Variants in USP34 observed in about 807,000 individuals in gnomAD.
The protein encoded by USP34 is ubiquitin specific peptidase 34.
In USP34, 70 loss-of-function variants were observed where a neutral mutation model predicts 460.3. The ratio of observed to expected loss-of-function variants is 0.15; its 90% CI spans 0.13 to 0.19. The LOEUF is 0.19. USP34 is among the 10% of genes least tolerant of loss of function. The pLI, the probability that USP34 is intolerant of heterozygous loss-of-function variation, is 1.00. For missense variants in USP34, 3,985 were observed against 4,236.2 expected (o/e 0.94, Z 1.65); for synonymous variants, 1,647 against 1,405.3 (o/e 1.17, Z -3.85).
In USP34 at chr2:61,456,227, A is replaced by G. The variant is rs115687402; in HGVS notation, c.43+14423T>C. Among the ~76,000 whole-genome samples, 1,273 of 152,294 alleles carry G rather than the reference A, an allele frequency of 8.4e-3. 16 individuals carry two copies. The highest frequency in any genetic ancestry group is 0.028 in the African/African-American group (1,152 of 41,564). ...GCCCAGAAGCAATTTCACCTCTTTC[A>G]TGGTAACAACGTGCCAGATTTCTTT... On this transcript the variant is annotated intron_variant, in intron 1 of 79. Transcript: ENST00000398571.
At chr2:61,389,365 G>A (rs1421891385) in intron 5 of USP34, among the ~76,000 whole-genome samples, 3 of 151,988 alleles carry the variant, frequency 2.0e-5, no homozygotes, top group Non-Finnish European at 2.9e-5. Context: ...TTTAACAGAA[G>A]GTTAAAAATC....
chr2:61,226,851 G>C (rs1305079203), intron 62 of USP34: 1 of 497,830 alleles, frequency 2.0e-6, no homozygotes, highest in Non-Finnish European at 3.3e-6. Flanking sequence ...CATAGATGAA[G>C]TAAAAGTTTG....
intron 1 of USP34, among the ~76,000 whole-genome samples, chr2:61,450,876 G>A (rs1333453968): frequency 1.5e-5 from 2 of 133,702 alleles, no homozygotes; most frequent in Non-Finnish European, 3.1e-5. Context: ...CAATAGAAAC[G>A]GAGGAGATGC....
At chr2:61,390,028 T>G (rs1693294335) in intron 5 of USP34, among the ~76,000 whole-genome samples, 1 of 152,184 alleles carries the variant, frequency 6.6e-6, no homozygotes, top group Non-Finnish European at 1.5e-5. Flanking sequence ...TTTCTGATAT[T>G]AAACAGTCTT....
intron 10 of USP34, among the ~76,000 whole-genome samples, chr2:61,365,819 A>C (rs769383515): frequency 7.9e-5 from 12 of 152,208 alleles, no homozygotes; most frequent in Non-Finnish European, 1.2e-4. Flanking sequence ...GAATTTCATC[A>C]TCCTCTAGAG....
intron 41 of USP34, among the ~76,000 whole-genome samples, chr2:61,272,774 T>G (rs1226675052): frequency 1.3e-5 from 2 of 152,114 alleles, no homozygotes; most frequent in East Asian, 3.8e-4. Context: ...CAATAAAGAA[T>G]GCTAAGAACA....
chr2:61,464,861 C>T (rs921750344), intron 1 of USP34, among the ~76,000 whole-genome samples: 7 of 151,916 alleles, frequency 4.6e-5, no homozygotes, highest in Non-Finnish European at 8.8e-5. Flanking sequence ...AAGCCTCCAA[C>T]TCCTCACCAA....
At chr2:61,415,448 C>A (rs570037459) in intron 2 of USP34, among the ~76,000 whole-genome samples, 1 of 152,228 alleles carries the variant, frequency 6.6e-6, no homozygotes, top group Non-Finnish European at 1.5e-5. Context: ...ATTTTTAGAA[C>A]TACCCTAAGA....
At chr2:61,401,365 G>A (rs570355509) in intron 3 of USP34, among the ~76,000 whole-genome samples, 31 of 150,494 alleles carry the variant, frequency 2.1e-4, no homozygotes, top group African/African-American at 6.8e-4. Context: ...AGCCTCCCAA[G>A]TAGCTGGGAC....
rs142891446 is a variant in USP34 at position 61,258,504 on chromosome 2, T to G, written c.5845-1154A>C. Among the ~76,000 whole-genome samples, 97 of 152,128 alleles carry G rather than the reference T, an allele frequency of 6.4e-4. 1 individual carries two copies. The highest frequency in any genetic ancestry group is 2.3e-3 in the South Asian group (11 of 4,810). ...TCTTAGAGTTTGAAACCAAGCTGAC[T>G]CTTGAAAAATGAACATCAGAAGAAA... On this transcript the variant is annotated intron_variant, in intron 44 of 79. Transcript: ENST00000398571.
intron 33 of USP34, among the ~76,000 whole-genome samples, 171 bp from the exon 34 acceptor site, chr2:61,289,048 T>C (rs1361897946): frequency 1.3e-5 from 2 of 152,086 alleles, no homozygotes; most frequent in Non-Finnish European, 2.9e-5. Flanking sequence ...TTCAATCTTA[T>C]AAAAATGAAG....
chr2:61,336,173 C>A (rs1015503490), intron 18 of USP34, among the ~76,000 whole-genome samples: 3 of 146,776 alleles, frequency 2.0e-5, no homozygotes, highest in Non-Finnish European at 4.5e-5. Context: ...GAGACAAAGT[C>A]TCACTGTGTT....
At chr2:61,189,310 T>C in intron 78 of USP34, 2 of 379,106 alleles carry the variant, frequency 5.3e-6, no homozygotes, top group Non-Finnish European at 9.3e-6. Context: ...GTCTTGTTCT[T>C]TGGCAAGGCT....
At chr2:61,286,381 A>C (rs562573550) in intron 34 of USP34, among the ~76,000 whole-genome samples, 1 of 152,160 alleles carries the variant, frequency 6.6e-6, no homozygotes, top group Non-Finnish European at 1.5e-5. Flanking sequence ...ATTGGCCCAG[A>C]GCGGTGGCTC....
intron 21 of USP34, among the ~76,000 whole-genome samples, chr2:61,323,128 C>G (rs1191011256): frequency 2.0e-5 from 3 of 152,158 alleles, no homozygotes; most frequent in Admixed American, 1.3e-4. Context: ...GCCTGTAATC[C>G]TAGCACTTTG....
Position 61,227,096 on chromosome 2 carries a change from A to G in USP34, c.7566T>C (p.Ala2522=), listed in dbSNP as rs761096703. 9.3e-6 allele frequency: 15 copies of G among 1,612,204 alleles called. No homozygotes were observed. The highest frequency in any genetic ancestry group is 1.3e-5 in the Non-Finnish European group (15 of 1,179,676). ...CTGATCGAGACTGTTCAACCAAAAGAGCAACTAAAGCTATCATCTTTTCAA... is the reference window on the plus strand; with the variant it reads ...CTGATCGAGACTGTTCAACCAAAAGGGCAACTAAAGCTATCATCTTTTCAA... ...AALEKMIALV[A]LLVEQSRSER... Residue 2522 remains alanine (A), a synonymous_variant, in exon 62 of 80, where the codon GCT becomes GCC. Coordinates refer to ENST00000398571, the MANE Select transcript of USP34 (RefSeq NM_014709.4).
rs778234917 is a variant in USP34, at chr2:61,248,641, A to C, written c.6264T>G (p.Thr2088=). 29 of 1,591,546 alleles carry C rather than the reference A, an allele frequency of 1.8e-5. No homozygotes were observed. The highest frequency in any genetic ancestry group is 1.7e-4 in the Middle Eastern group (1 of 5,968). Residue 2088 remains threonine, a synonymous_variant, in exon 49 of 80, where the codon ACT becomes ACG. Coordinates refer to ENST00000398571, the MANE Select transcript of USP34 (RefSeq NM_014709.4). Reference sequence around the variant, plus strand: ...TGACCATATTAAATGTGTATCTCATAGTATTGAAACTCAAAATGCGAGGCA... The same window carrying C: ...TGACCATATTAAATGTGTATCTCATCGTATTGAAACTCAAAATGCGAGGCA... The part of the protein sequence containing the change: ...KKLPRILSFN[T]MRYTFNMVTM...
chr2:61,321,170 T>C (rs1572932654), intron 21 of USP34, among the ~76,000 whole-genome samples: 1 of 141,546 alleles, frequency 7.1e-6, no homozygotes, highest in Non-Finnish European at 1.6e-5. Flanking sequence ...ACTGTCTCTT[T>C]AAAAAAAAAA....
chr2:61,394,533 C>CAA lies in USP34; in HGVS notation c.753+318_753+319dup, dbSNP rs200686763. ...AACAACGGAGTGAGACCCTCTCTCT[C>CAA]AAAAAAAAAAAAAAAAAAAAAAAAA... On this transcript the variant is annotated intron_variant, in intron 5 of 79. Transcript: ENST00000398571. Among the ~76,000 whole-genome samples the CAA allele has an allele frequency of 6.6e-3, 720 of 109,714 alleles. 14 individuals are homozygous for CAA. Among genetic ancestry groups the CAA allele is most frequent in the Non-Finnish European group, 9.8e-3 (525 of 53,458 alleles). 72.0% of individuals were successfully genotyped at this position (109,714 alleles called of 152,430 possible).
Sources: gnomAD v4.1 joint callset for allele counts (sites outside exome capture counted in the v4.1 genomes callset) on GRCh38, gnomAD v4.1.1 for gene constraint, MANE v1.5 for transcripts, NCBI Gene and HGNC (gene_info 2026-07-23, HGNC 2026-07-21) for gene names.